Variants in OPCML observed in about 807,000 individuals in gnomAD.
OPCML encodes the protein opioid-binding protein/cell adhesion molecule.
Under a neutral mutation model 37.8 loss-of-function variants are expected in OPCML, and 13 were observed. That is an observed-to-expected ratio of 0.34 (90% CI 0.22 to 0.55). The LOEUF (loss-of-function observed/expected upper bound fraction) is 0.55. OPCML is among the 20% of genes least tolerant of loss of function. The pLI is 0.91. For missense variants in OPCML, 341 were observed against 435.6 expected, an observed-to-expected ratio of 0.78 and a Z score of 1.93; for synonymous variants, 176 against 168.8, an observed-to-expected ratio of 1.04 and a Z score of -0.33.
intron 1 of OPCML, among the ~76,000 whole-genome samples, chr11:133,093,051 G>GT (rs1948935792): frequency 6.6e-6 from 1 of 152,084 alleles, no homozygotes; most frequent in Non-Finnish European, 1.5e-5. Flanking sequence ...TAAATGCATA[G>GT]TAACTATAAT....
chr11:132,639,607 T>G (rs1315913262), intron 3 of OPCML, among the ~76,000 whole-genome samples: 1 of 152,198 alleles, frequency 6.6e-6, no homozygotes, highest in East Asian at 1.9e-4. Context: ...ATAATCCTCA[T>G]GTTTGCAGGC....
chr11:132,563,855 G>A (rs760130430), intron 3 of OPCML, among the ~76,000 whole-genome samples: 1 of 152,032 alleles, frequency 6.6e-6, no homozygotes, highest in Non-Finnish European at 1.5e-5. Flanking sequence ...TAATCAGTGA[G>A]ACTTTTTTTG....
chr11:133,007,215 C>G, intron 1 of OPCML: 8 of 985,414 alleles, frequency 8.1e-6, no homozygotes, highest in Non-Finnish European at 9.6e-6. Context: ...CTATTTTAGG[C>G]TTTGTTGCCC....
At chr11:132,942,195 A>G (rs896147675) in intron 2 of OPCML, among the ~76,000 whole-genome samples, 3 of 152,148 alleles carry the variant, frequency 2.0e-5, no homozygotes, top group South Asian at 4.1e-4. Flanking sequence ...CCAGTCCCCA[A>G]AGGTTCATAT....
chr11:132,712,097 G>A lies in OPCML; in HGVS notation c.147-54778C>T, dbSNP rs564877065. Among the ~76,000 whole-genome samples, 75 of 152,300 alleles carry A rather than the reference G, an allele frequency of 4.9e-4. No homozygotes were observed. In the South Asian group the frequency reaches 0.015, roughly 31 times the overall value. On this transcript the variant is annotated intron_variant, in intron 2 of 7. Coordinates refer to ENST00000524381, the MANE Select transcript of OPCML (RefSeq NM_001012393.5). ...CCCCTGTCCCATAGGGTGGTGGCAG[G>A]AAGCCATTCCCAGAGAGGAGGAAGG...
rs149350063 is a variant in OPCML at position 133,111,906 on chromosome 11, G to C, written c.62-168896C>G. Among the ~76,000 whole-genome samples, 534 of 152,266 alleles carry C rather than the reference G, an allele frequency of 3.5e-3. 2 individuals are homozygous for C. Among genetic ancestry groups the C allele is most frequent in the African/African-American group, 0.012 (513 of 41,540 alleles). On this transcript the variant is annotated intron_variant, in intron 1 of 7. Transcript: ENST00000524381. ...TGGAGGATGTTTATATTGTCAGCCA[G>C]AGTTATCTGTGACTATTTTTCATCA...
At chr11:132,712,460 C>A (rs990646192) in intron 2 of OPCML, among the ~76,000 whole-genome samples, 2 of 152,126 alleles carry the variant, frequency 1.3e-5, no homozygotes, top group African/African-American at 4.8e-5. Flanking sequence ...GGTTTGGTTG[C>A]GATAGTGTCT....
intron 1 of OPCML, among the ~76,000 whole-genome samples, chr11:133,013,025 C>G (rs967436773): frequency 2.0e-4 from 31 of 152,148 alleles, no homozygotes; most frequent in Non-Finnish European, 2.9e-4. Flanking sequence ...GGACTTGGCA[C>G]CAGAGTTATT....
At chr11:132,538,516 A>C (rs1479607604) in intron 3 of OPCML, among the ~76,000 whole-genome samples, 1 of 152,198 alleles carries the variant, frequency 6.6e-6, no homozygotes, top group Non-Finnish European at 1.5e-5. Flanking sequence ...ATATTCTAAA[A>C]GCTCTGAACT....
intron 3 of OPCML, among the ~76,000 whole-genome samples, chr11:132,630,526 ATGTG>A (rs140438717): frequency 4.7e-5 from 7 of 148,974 alleles, no homozygotes; most frequent in South Asian, 2.1e-4. Flanking sequence ...AGGACACAAT[ATGTG>A]TGTGTGTGTG....
intron 2 of OPCML, among the ~76,000 whole-genome samples, chr11:132,708,570 T>C (rs1201050311): frequency 6.6e-6 from 1 of 152,200 alleles, no homozygotes; most frequent in Non-Finnish European, 1.5e-5. Context: ...ACCAAGTAGG[T>C]AACACAGGTC....
chr11:132,465,866 A>G (rs1343518991), intron 4 of OPCML, among the ~76,000 whole-genome samples: 1 of 152,228 alleles, frequency 6.6e-6, no homozygotes, highest in Non-Finnish European at 1.5e-5. Flanking sequence ...TTTTAAAAAT[A>G]AAACCAAGTT....
intron 1 of OPCML, among the ~76,000 whole-genome samples, chr11:133,181,273 C>T (rs761527382): frequency 5.0e-4 from 72 of 143,846 alleles, no homozygotes; most frequent in Admixed American, 1.2e-3. Flanking sequence ...CAAGGAAAAC[C>T]GGGCGAACCT....
At chr11:133,030,121 G>A (rs778689493) in intron 1 of OPCML, among the ~76,000 whole-genome samples, 7 of 152,102 alleles carry the variant, frequency 4.6e-5, no homozygotes, top group Non-Finnish European at 1.0e-4. Context: ...TACATTCCCA[G>A]AAACTGTTCC....
At chr11:133,048,746 A>T (rs1203468301) in intron 1 of OPCML, among the ~76,000 whole-genome samples, 1 of 152,166 alleles carries the variant, frequency 6.6e-6, no homozygotes, top group Non-Finnish European at 1.5e-5. Flanking sequence ...CCCCAGAGAG[A>T]CACTGTCTTT....
chr11:132,520,294 CAG>C (rs1271512047), intron 4 of OPCML, among the ~76,000 whole-genome samples: 1 of 152,158 alleles, frequency 6.6e-6, no homozygotes, highest in Non-Finnish European at 1.5e-5. Flanking sequence ...ACTTGAAAAT[CAG>C]GAACTAGGTT....
intron 2 of OPCML, among the ~76,000 whole-genome samples, chr11:132,819,260 T>C (rs4128348): frequency 0.47 from 71,792 of 151,312 alleles, 17,324 homozygotes; most frequent in East Asian, 0.6. Flanking sequence ...TGACTGATAA[T>C]TGAACAGGGG....
chr11:132,625,914 G>C (rs920959972), intron 3 of OPCML, among the ~76,000 whole-genome samples: 1 of 152,006 alleles, frequency 6.6e-6, no homozygotes, highest in African/African-American at 2.4e-5. Flanking sequence ...GGAACTATAG[G>C]CTGTCTTCTC....
At chr11:132,496,787 A>G (rs1441703831) in intron 4 of OPCML, among the ~76,000 whole-genome samples, 4 of 152,252 alleles carry the variant, frequency 2.6e-5, no homozygotes, top group Non-Finnish European at 5.9e-5. Context: ...AAATGCTACC[A>G]GGTTGCTCTC....
Sources: allele counts gnomAD v4.1 joint callset (sites outside exome capture counted in the v4.1 genomes callset), GRCh38; gene constraint gnomAD v4.1.1; transcripts MANE v1.5; gene names NCBI Gene and HGNC (gene_info 2026-07-23, HGNC 2026-07-21).